The following PTPRT variants were observed in gnomAD, a reference collection of about 807,000 sequenced individuals.
PTPRT encodes the protein protein tyrosine phosphatase receptor type T.
PTPRT carries 56 observed loss-of-function variants against 176.8 expected under a neutral mutation model. That is an observed-to-expected ratio of 0.32 (90% CI 0.26 to 0.40). The LOEUF (loss-of-function observed/expected upper bound fraction) is 0.40, where lower values mean the gene tolerates loss of function less well. Among genes scored for constraint, PTPRT ranks in the 10% least tolerant of loss-of-function variants. PTPRT has a pLI of 1.00. For synonymous variants in PTPRT, 783 were observed against 739.0 expected, an observed-to-expected ratio of 1.06 and a Z score of -0.96; for missense variants, 1,540 against 1,908.2, an observed-to-expected ratio of 0.81 and a Z score of 3.60.
intron 9 of PTPRT, among the ~76,000 whole-genome samples, chr20:42,375,742 T>A (rs1442846507): frequency 1.3e-5 from 2 of 152,194 alleles, no homozygotes; most frequent in Non-Finnish European, 1.5e-5. Context: ...CAGATTTTCT[T>A]TATTTAAACA....
intron 1 of PTPRT, among the ~76,000 whole-genome samples, chr20:43,183,442 C>T (rs1248116051): frequency 6.6e-6 from 1 of 152,156 alleles, no homozygotes; most frequent in East Asian, 1.9e-4. Context: ...CTTATCAAGG[C>T]CACATCACAA....
rs762882308 is a variant in PTPRT at position 42,084,862 on chromosome 20, T to G, written c.3973-17A>C. 80 of 1,391,734 alleles carry G rather than the reference T, an allele frequency of 5.7e-5. No homozygotes were observed. The highest frequency in any genetic ancestry group is 1.4e-4 in the Admixed American group (6 of 43,990). The allele number at this position is 1,391,734 out of a possible 1,614,324, so 86.2% of individuals were successfully genotyped here. A position where few individuals can be genotyped will look rare whatever the true frequency, so the allele number is the denominator to read the frequency against. ...ATCCTGTGGCTGAGAACAGAGAGGC[T>G]GTTAGGGCTGTTCTGCTGGGGATGC... On this transcript the variant is annotated splice_polypyrimidine_tract_variant and intron_variant, in intron 28 of 30. Coordinates refer to ENST00000373187, the MANE Select transcript of PTPRT (RefSeq NM_007050.6).
intron 9 of PTPRT, among the ~76,000 whole-genome samples, chr20:42,362,403 T>C (rs1375484058): frequency 6.7e-6 from 1 of 148,814 alleles, no homozygotes; most frequent in Non-Finnish European, 1.5e-5. Flanking sequence ...TGAGAAAACA[T>C]CAGAAAGAAA....
intron 7 of PTPRT, among the ~76,000 whole-genome samples, chr20:42,626,082 G>A (rs1364069583): frequency 1.3e-5 from 2 of 151,840 alleles, no homozygotes; most frequent in African/African-American, 4.8e-5. Flanking sequence ...ACTAACTATC[G>A]AGCTTTTGTG....
intron 7 of PTPRT, among the ~76,000 whole-genome samples, chr20:42,677,170 A>C (rs1488551499): frequency 1.3e-5 from 2 of 152,214 alleles, no homozygotes; most frequent in South Asian, 2.1e-4. Context: ...CAGAGCCAGG[A>C]GGCATTTAAG....
In PTPRT at chr20:42,102,207, C is replaced by G; in HGVS notation, c.3631G>C (p.Val1211Leu). The change falls in exon 26 of 31, where the codon GTG becomes CTG. Residue 1211 changes from valine to leucine, a missense_variant. By Grantham distance (32) the Val-to-Leu change is conservative. Around this residue, in one of 11 missense-constraint regions of PTPRT, gnomAD observed 342 missense variants for 394.0 expected, o/e 0.87. Transcript: ENST00000373187. ...RNHDKNRSMD[V>L]LPLDRCLPFL... Reference sequence around the variant, plus strand: ...GGCAGGCAGCGGTCCAGAGGCAGCACGTCCATACTTCGATTCTTATCATGG... The same window carrying G: ...GGCAGGCAGCGGTCCAGAGGCAGCAGGTCCATACTTCGATTCTTATCATGG... 6.2e-7 allele frequency: 1 copy of G among 1,614,184 alleles called. No individual in the cohort carries two copies. Among genetic ancestry groups the G allele is most frequent in the East Asian group, 2.2e-5 (1 of 44,880 alleles).
chr20:42,925,928 C>G (rs1237809315), intron 1 of PTPRT, among the ~76,000 whole-genome samples: 2 of 152,182 alleles, frequency 1.3e-5, no homozygotes, highest in African/African-American at 4.8e-5. Context: ...ATTTCCGACC[C>G]CAGACATTCC....
chr20:42,987,375 G>T (rs1010413212), intron 1 of PTPRT, among the ~76,000 whole-genome samples: 3 of 152,320 alleles, frequency 2.0e-5, no homozygotes, highest in Middle Eastern at 3.4e-3. Flanking sequence ...AGCCACCAAT[G>T]GTTGGTGGCT....
intron 2 of PTPRT, among the ~76,000 whole-genome samples, chr20:42,852,793 G>T (rs2078498467): frequency 6.6e-6 from 1 of 152,228 alleles, no homozygotes; most frequent in South Asian, 2.1e-4. Context: ...ACAGTGCTTG[G>T]GTGCAGAAGA....
At chr20:42,688,410 C>T (rs2075735726) in intron 6 of PTPRT, 1 of 152,178 alleles carries the variant, frequency 6.6e-6, no homozygotes, top group Admixed American at 6.5e-5. Flanking sequence ...TTCTAGGTAC[C>T]ATAACCCCTC....
At chr20:42,771,572 A>C (rs760741329) in intron 4 of PTPRT, 22 bp from the exon 5 acceptor site, 11 of 1,596,090 alleles carry the variant, frequency 6.9e-6, no homozygotes, top group Non-Finnish European at 9.5e-6. Context: ...ACCAAAGAAC[A>C]CAAGAGAATG....
chr20:42,170,523 A>G lies in PTPRT; in HGVS notation c.2492-8981T>C, dbSNP rs1237547228. Among the ~76,000 whole-genome samples the G allele has an allele frequency of 1.8e-4, 27 of 152,236 alleles. 1 individual carries two copies. On this transcript the variant is annotated intron_variant, in intron 16 of 30. Coordinates refer to ENST00000373187, the MANE Select transcript of PTPRT (RefSeq NM_007050.6). ...ACTGGGTGAGGTAAGAAACAATTGT[A>G]AAGAAACCAAAATGCAATACCAGAA...
At chr20:42,884,463 C>A (rs949864638) in intron 2 of PTPRT, among the ~76,000 whole-genome samples, 3 of 152,242 alleles carry the variant, frequency 2.0e-5, no homozygotes, top group East Asian at 1.9e-4. Flanking sequence ...TTAGTAGCAT[C>A]CTGGAAAACC....
chr20:42,202,682 T>G (rs1991500646), intron 15 of PTPRT, among the ~76,000 whole-genome samples: 1 of 152,256 alleles, frequency 6.6e-6, no homozygotes, highest in Admixed American at 6.5e-5. Context: ...ATCTGAGCTC[T>G]GCTCACATTG....
intron 1 of PTPRT, among the ~76,000 whole-genome samples, chr20:43,012,094 T>G (rs544717221): frequency 6.6e-6 from 1 of 152,336 alleles, no homozygotes; most frequent in African/African-American, 2.4e-5. Flanking sequence ...GCTCCTCAGC[T>G]TGCAGATGGC....
At chr20:42,572,950 C>A (rs1177486933) in intron 7 of PTPRT, among the ~76,000 whole-genome samples, 4 of 129,886 alleles carry the variant, frequency 3.1e-5, no homozygotes, top group African/African-American at 6.1e-5. Flanking sequence ...CATCTAAACA[C>A]AATTGATAGC....
intron 8 of PTPRT, among the ~76,000 whole-genome samples, chr20:42,450,389 A>G (rs1042718480): frequency 6.6e-6 from 1 of 152,232 alleles, no homozygotes. Context: ...AACACTGACT[A>G]TTTAAAAAAT....
At chr20:42,157,696 T>C (rs900898692) in intron 17 of PTPRT, among the ~76,000 whole-genome samples, 8 of 152,152 alleles carry the variant, frequency 5.3e-5, no homozygotes, top group African/African-American at 1.9e-4. Flanking sequence ...CATCAAGGGA[T>C]AGAGTCAAAT....
intron 2 of PTPRT, among the ~76,000 whole-genome samples, chr20:42,807,034 A>C (rs958566215): frequency 6.6e-6 from 1 of 152,164 alleles, no homozygotes; most frequent in African/African-American, 2.4e-5. Flanking sequence ...TGTCTCTGAT[A>C]ATTTTTGCCC....
Sources: gnomAD v4.1 joint callset for allele counts (sites outside exome capture counted in the v4.1 genomes callset) on GRCh38, gnomAD v4.1.1 for gene constraint, gnomAD v4.1.1 regional missense constraint, MANE v1.5 for transcripts, NCBI Gene and HGNC (gene_info 2026-07-23, HGNC 2026-07-21) for gene names.